JMJD1C: variants seen among roughly 807,000 people sequenced by gnomAD.
JMJD1C encodes jumonji domain-containing protein 1C.
In JMJD1C, 31 loss-of-function variants were observed where a neutral mutation model predicts 245.3. The ratio of observed to expected loss-of-function variants is 0.13; its 90% confidence interval spans 0.09 to 0.17. The LOEUF (loss-of-function observed/expected upper bound fraction) is 0.17, where lower values mean the gene tolerates loss of function less well. Ranked by LOEUF, JMJD1C falls within the 10% of genes least tolerant of loss-of-function variation. The pLI, the probability that JMJD1C is intolerant of heterozygous loss-of-function variation, is 1.00. For missense variants in JMJD1C, 2,691 were observed against 3,000.2 expected (o/e 0.90, Z 2.41); for synonymous variants, 1,057 against 1,017.4 (o/e 1.04, Z -0.74).
intron 1 of JMJD1C, among the ~76,000 whole-genome samples, chr10:63,390,475 C>T (rs1375553824): frequency 6.6e-6 from 1 of 152,160 alleles, no homozygotes; most frequent in Non-Finnish European, 1.5e-5. Context: ...CACTTCTCCT[C>T]AAACTAGTCC....
rs564743103 is a variant in JMJD1C at position 63,424,084 on chromosome 10, G to T, written c.168+41411C>A. Among the ~76,000 whole-genome samples the T allele has an allele frequency of 6.1e-4, 93 of 152,156 alleles. 1 individual carries two copies. The highest frequency in any genetic ancestry group is 6.8e-3 in the Middle Eastern group (2 of 294). On this transcript the variant is annotated intron_variant, in intron 1 of 25. Coordinates refer to ENST00000399262, the MANE Select transcript of JMJD1C (RefSeq NM_032776.3). The stretch of plus-strand genomic sequence containing the variant: ...GTGTGTATTTTTTTAATTAAAAAAT[G>T]GATTTTTAGAGACAAGATCTTACTG...
intron 1 of JMJD1C, among the ~76,000 whole-genome samples, chr10:63,429,618 A>G (rs1950632628): frequency 6.6e-6 from 1 of 152,204 alleles, no homozygotes; most frequent in South Asian, 2.1e-4. Flanking sequence ...CTGCAGGGAA[A>G]ATGTTGTGAG....
intron 1 of JMJD1C, among the ~76,000 whole-genome samples, chr10:63,506,016 C>T (rs1288014529): frequency 6.6e-6 from 1 of 152,088 alleles, no homozygotes; most frequent in Admixed American, 6.6e-5. Flanking sequence ...ACAGCAGTAT[C>T]CTTCTATTTA....
chr10:63,203,822 T>C, intron 10 of JMJD1C: 1 of 975,244 alleles, frequency 1.0e-6, no homozygotes. Flanking sequence ...ACGGTGTATG[T>C]AATCATATTA....
intron 22 of JMJD1C, among the ~76,000 whole-genome samples, chr10:63,182,166 A>T (rs1395286712): frequency 6.6e-6 from 1 of 152,224 alleles, no homozygotes; most frequent in Non-Finnish European, 1.5e-5. Flanking sequence ...GATCTATTTC[A>T]TGGCTGGATG....
chr10:63,440,533 A>C (rs1485450672), intron 1 of JMJD1C, among the ~76,000 whole-genome samples: 3 of 152,106 alleles, frequency 2.0e-5, no homozygotes. Context: ...ATTGTTTTTC[A>C]TTCAGAAGTT....
intron 2 of JMJD1C, among the ~76,000 whole-genome samples, chr10:63,292,340 A>G (rs1858877028): frequency 6.6e-6 from 1 of 151,628 alleles, no homozygotes; most frequent in African/African-American, 2.4e-5. Flanking sequence ...GGCTGGGTGC[A>G]GTGGCTCATG....
chr10:63,244,423 T>C (rs1025782914), intron 3 of JMJD1C, among the ~76,000 whole-genome samples: 4 of 152,104 alleles, frequency 2.6e-5, no homozygotes, highest in African/African-American at 9.7e-5. Flanking sequence ...TTAAAAAGTC[T>C]AAGCAAAAAT....
At chr10:63,281,078 C>T (rs1394901496) in intron 2 of JMJD1C, among the ~76,000 whole-genome samples, 3 of 151,536 alleles carry the variant, frequency 2.0e-5, no homozygotes, top group African/African-American at 7.3e-5. Context: ...CGTGATTCAC[C>T]GCCTCCGCCT....
intron 2 of JMJD1C, among the ~76,000 whole-genome samples, chr10:63,311,734 G>A (rs560932879): frequency 6.6e-5 from 10 of 152,194 alleles, no homozygotes; most frequent in South Asian, 2.1e-4. Context: ...GTATAAAAGC[G>A]CAGATGAGAG....
chr10:63,263,775 T>C (rs1254581695), intron 3 of JMJD1C, among the ~76,000 whole-genome samples: 3 of 151,776 alleles, frequency 2.0e-5, no homozygotes, highest in Middle Eastern at 3.4e-3. Flanking sequence ...CTATTAAAAA[T>C]ACAAAAATTA....
intron 2 of JMJD1C, among the ~76,000 whole-genome samples, chr10:63,269,606 C>G (rs943686345): frequency 6.6e-6 from 1 of 151,890 alleles, no homozygotes; most frequent in Non-Finnish European, 1.5e-5. Context: ...ACCATTTTGC[C>G]TTAAAAATAT....
In JMJD1C at chr10:63,234,508, A is replaced by AC. The variant is rs1406794501; in HGVS notation, c.448-14526_448-14525insG. The stretch of plus-strand genomic sequence containing the variant: ...AACCTCCTCTTAAAAAAAAAAAAAA[A>AC]AAAAAAAAAAAAACACCAAAAACAA... On this transcript the variant is annotated intron_variant, in intron 3 of 25. Transcript: ENST00000399262. Among the ~76,000 whole-genome samples, 70 of 149,010 alleles carry AC rather than the reference A, an allele frequency of 4.7e-4. 1 individual carries two copies. Among genetic ancestry groups the AC allele is most frequent in the African/African-American group, 1.7e-3 (69 of 40,800 alleles).
intron 1 of JMJD1C, among the ~76,000 whole-genome samples, chr10:63,416,356 T>TTAA (rs1412137822): frequency 1.3e-5 from 2 of 151,894 alleles, no homozygotes; most frequent in Non-Finnish European, 2.9e-5. Flanking sequence ...TTTTTTTTTT[T>TTAA]TAATAATAAA....
intron 3 of JMJD1C, among the ~76,000 whole-genome samples, chr10:63,242,785 G>A (rs1315517140): frequency 6.6e-6 from 1 of 151,966 alleles, no homozygotes; most frequent in Non-Finnish European, 1.5e-5. Flanking sequence ...AACAGAAACT[G>A]AGATTTACCC....
rs958601012 is a variant in JMJD1C at position 63,465,609 on chromosome 10, C to T, written c.54G>A (p.Ala18=). ...GCTCCGAACGTGCCTCGTCGCCGAC[C>T]GCCACACACAGGAACCGCTTACCCA... ...ELVGKRFLCV[A]VGDEARSERW... is the part of the protein sequence containing the mutation. Residue 18 remains alanine (A), a synonymous_variant, in exon 1 of 26, where the codon GCG becomes GCA. Coordinates refer to ENST00000399262, the MANE Select transcript of JMJD1C (RefSeq NM_032776.3). The T allele has an allele frequency of 6.2e-7, 1 of 1,610,174 alleles. No homozygotes were observed. The highest frequency in any genetic ancestry group is 8.5e-7 in the Non-Finnish European group (1 of 1,179,900).
In JMJD1C at chr10:63,257,685, A is replaced by T. The variant is rs570407456; in HGVS notation, c.447+6966T>A. Reference sequence around the variant, plus strand: ...CTATCAGCAACAAGTAGAGTACATGACTTTCCCTGTGGAAAAAAGGTAAGG... The same window carrying T: ...CTATCAGCAACAAGTAGAGTACATGTCTTTCCCTGTGGAAAAAAGGTAAGG... On this transcript the variant is annotated intron_variant, in intron 3 of 25. Transcript: ENST00000399262. Among the ~76,000 whole-genome samples the T allele has an allele frequency of 2.5e-4, 38 of 152,332 alleles. 1 individual carries two copies. In the East Asian group the frequency reaches 6.9e-3, roughly 28 times the overall value.
At chr10:63,488,226 C>T (rs185924810) in intron 1 of JMJD1C, among the ~76,000 whole-genome samples, 120 of 152,302 alleles carry the variant, frequency 7.9e-4, no homozygotes, top group East Asian at 1.5e-3. Flanking sequence ...AATACCTCTA[C>T]TTCAAAGGAA....
chr10:63,460,785 T>C (rs1256253590), intron 1 of JMJD1C, among the ~76,000 whole-genome samples: 1 of 152,192 alleles, frequency 6.6e-6, no homozygotes, highest in African/African-American at 2.4e-5. Context: ...CATTGAAATA[T>C]CTAGTTAACA....
Sources: allele counts gnomAD v4.1 joint callset (sites outside exome capture counted in the v4.1 genomes callset), GRCh38; gene constraint gnomAD v4.1.1; transcripts MANE v1.5; gene names NCBI Gene and HGNC (gene_info 2026-07-23, HGNC 2026-07-21).